Variants in MAPKAP1 observed in about 807,000 individuals in gnomAD.
MAPKAP1 encodes target of rapamycin complex 2 subunit MAPKAP1.
Under a neutral mutation model 65.7 loss-of-function variants are expected in MAPKAP1, and 20 were observed. The observed-to-expected ratio is 0.30, with a 90% CI of 0.21 to 0.44. The LOEUF (loss-of-function observed/expected upper bound fraction) is 0.44, where lower values mean the gene tolerates loss of function less well. Ranked by LOEUF, MAPKAP1 falls within the 20% of genes least tolerant of loss-of-function variation. MAPKAP1 has a pLI of 1.00. For missense variants in MAPKAP1, 423 were observed against 648.0 expected, an observed-to-expected ratio of 0.65 and a Z score of 3.77; for synonymous variants, 222 against 244.3, an observed-to-expected ratio of 0.91 and a Z score of 0.85.
chr9:125,604,983 T>C (rs1832401396), intron 4 of MAPKAP1, among the ~76,000 whole-genome samples: 1 of 152,206 alleles, frequency 6.6e-6, no homozygotes, highest in African/African-American at 2.4e-5. Context: ...CAAAATGCAA[T>C]GCTGACAGTG....
At chr9:125,703,769 CAA>C (rs1212274126) in intron 1 of MAPKAP1, among the ~76,000 whole-genome samples, 5 of 61,658 alleles carry the variant, frequency 8.1e-5, no homozygotes. Context: ...AAGACTGTCT[CAA>C]AAAAAAAAAA....
intron 8 of MAPKAP1, among the ~76,000 whole-genome samples, chr9:125,492,768 T>C (rs558295470): frequency 1.3e-5 from 2 of 152,320 alleles, no homozygotes; most frequent in East Asian, 3.9e-4. Flanking sequence ...GTCTCTTCTC[T>C]AAAAAGATCT....
At chr9:125,460,447 C>T (rs908699207) in intron 10 of MAPKAP1, among the ~76,000 whole-genome samples, 6 of 152,116 alleles carry the variant, frequency 3.9e-5, no homozygotes, top group Non-Finnish European at 8.8e-5. Context: ...TGTAAGAAAA[C>T]TCACTATCTC....
intron 5 of MAPKAP1, among the ~76,000 whole-genome samples, chr9:125,560,195 A>G (rs1016579973): frequency 6.6e-6 from 1 of 152,190 alleles, no homozygotes; most frequent in African/African-American, 2.4e-5. Context: ...TAAAAAATAT[A>G]TATATAAAAC....
At chr9:125,516,595 T>C (rs1829468288) in intron 7 of MAPKAP1, among the ~76,000 whole-genome samples, 2 of 152,176 alleles carry the variant, frequency 1.3e-5, no homozygotes, top group African/African-American at 4.8e-5. Flanking sequence ...GAGGAGATGT[T>C]TGGTGTGAGA....
chr9:125,531,654 G>A (rs1589262687), intron 7 of MAPKAP1, among the ~76,000 whole-genome samples: 1 of 152,074 alleles, frequency 6.6e-6, no homozygotes, highest in East Asian at 1.9e-4. Context: ...TAATTTTTGT[G>A]AGTTTTCCCA....
chr9:125,611,453 T>C (rs1832597911), intron 4 of MAPKAP1, among the ~76,000 whole-genome samples: 1 of 152,156 alleles, frequency 6.6e-6, no homozygotes, highest in South Asian at 2.1e-4. Context: ...TAACACATTC[T>C]GATAGGTGTA....
chr9:125,636,177 A>G (rs1202375302), intron 4 of MAPKAP1, among the ~76,000 whole-genome samples: 2 of 152,188 alleles, frequency 1.3e-5, no homozygotes, highest in African/African-American at 4.8e-5. Flanking sequence ...TGAACAACAG[A>G]AAAAAGGAGG....
chr9:125,466,753 T>G (rs1023523107), intron 10 of MAPKAP1, among the ~76,000 whole-genome samples: 8 of 152,108 alleles, frequency 5.3e-5, no homozygotes, highest in African/African-American at 1.9e-4. Flanking sequence ...TGGGGTGGCC[T>G]TCCTCCTTCC....
At chr9:125,693,640 C>CATAT (rs2131854761) in intron 1 of MAPKAP1, among the ~76,000 whole-genome samples, 1 of 143,418 alleles carries the variant, frequency 7.0e-6, no homozygotes, top group African/African-American at 2.9e-5. Flanking sequence ...CATATACACA[C>CATAT]ACATATACAC....
chr9:125,606,199 G>C (rs1359558067), intron 4 of MAPKAP1, among the ~76,000 whole-genome samples: 1 of 151,404 alleles, frequency 6.6e-6, no homozygotes, highest in Non-Finnish European at 1.5e-5. Context: ...ATTATGTTTA[G>C]AGGAAGGCAG....
chr9:125,552,285 C>T (rs1035052104), intron 6 of MAPKAP1, among the ~76,000 whole-genome samples: 6 of 152,152 alleles, frequency 3.9e-5, no homozygotes, highest in African/African-American at 1.4e-4. Flanking sequence ...ACAACTCTAT[C>T]CAGGGGATTC....
intron 4 of MAPKAP1, among the ~76,000 whole-genome samples, chr9:125,588,239 G>A (rs1477449890): frequency 6.6e-6 from 1 of 152,168 alleles, no homozygotes; most frequent in Non-Finnish European, 1.5e-5. Context: ...AAAGAATGAA[G>A]TACTGATACA....
intron 1 of MAPKAP1, among the ~76,000 whole-genome samples, chr9:125,676,350 C>T (rs1834643045): frequency 6.6e-6 from 1 of 152,160 alleles, no homozygotes; most frequent in African/African-American, 2.4e-5. Flanking sequence ...TATGCCATGA[C>T]ACATACAAAC....
intron 1 of MAPKAP1, among the ~76,000 whole-genome samples, chr9:125,692,022 A>T (rs2131849552): frequency 6.6e-6 from 1 of 152,332 alleles, no homozygotes; most frequent in Admixed American, 6.5e-5. Context: ...GAACCTGAGG[A>T]GAATAGAAGC....
intron 10 of MAPKAP1, among the ~76,000 whole-genome samples, chr9:125,467,526 T>C (rs540619302): frequency 3.3e-4 from 50 of 152,306 alleles, no homozygotes; most frequent in African/African-American, 1.2e-3. Context: ...GCATGATGGA[T>C]ATATCTAAAT....
At chr9:125,448,425 G>A (rs1315924286) in intron 10 of MAPKAP1, among the ~76,000 whole-genome samples, 1 of 152,184 alleles carries the variant, frequency 6.6e-6, no homozygotes, top group Admixed American at 6.5e-5. Context: ...TGTCTGGGAA[G>A]AAGGAACTGC....
chr9:125,514,847 C>A (rs1829414675), intron 7 of MAPKAP1, among the ~76,000 whole-genome samples: 1 of 152,162 alleles, frequency 6.6e-6, no homozygotes, highest in African/African-American at 2.4e-5. Flanking sequence ...CAGGGGCTGA[C>A]TGAATCTGCG....
intron 4 of MAPKAP1, among the ~76,000 whole-genome samples, chr9:125,605,101 T>C (rs1024954656): frequency 2.0e-5 from 3 of 152,164 alleles, no homozygotes; most frequent in East Asian, 1.9e-4. Context: ...ATAGTAAACA[T>C]AGTATAATTT....
Sources: allele counts gnomAD v4.1 joint callset (sites outside exome capture counted in the v4.1 genomes callset), GRCh38; gene constraint gnomAD v4.1.1; transcripts MANE v1.5; gene names NCBI Gene and HGNC (gene_info 2026-07-23, HGNC 2026-07-21).